The following RNF146 variants were observed in gnomAD, a reference collection of about 807,000 sequenced individuals.
RNF146 encodes the protein ring finger protein 146.
RNF146 carries 11 observed loss-of-function variants against 29.7 expected under a neutral mutation model. The observed-to-expected ratio is 0.37, with a 90% CI of 0.23 to 0.61. RNF146 has a LOEUF of 0.61. RNF146 is among the 20% of genes least tolerant of loss of function. The pLI is 0.66. For synonymous variants in RNF146, 150 were observed against 159.7 expected, an observed-to-expected ratio of 0.94 and a Z score of 0.46; for missense variants, 342 against 438.9, an observed-to-expected ratio of 0.78 and a Z score of 1.97.
chr6:127,279,129 A>C (rs1247037633), intron 1 of RNF146, among the ~76,000 whole-genome samples: 1 of 151,922 alleles, frequency 6.6e-6, no homozygotes, highest in Admixed American at 6.6e-5. Context: ...TTTTAAACTT[A>C]TATAAAGCCC....
At chr6:127,271,839 G>A (rs1324336819) in intron 1 of RNF146, among the ~76,000 whole-genome samples, 2 of 151,868 alleles carry the variant, frequency 1.3e-5, no homozygotes, top group Non-Finnish European at 2.9e-5. Context: ...TAGAAATGGG[G>A]GTCTCACCAT....
intron 1 of RNF146, among the ~76,000 whole-genome samples, chr6:127,275,260 C>T (rs1441149652): frequency 6.6e-6 from 1 of 152,018 alleles, no homozygotes; most frequent in Non-Finnish European, 1.5e-5. Context: ...AAATGATTTG[C>T]TTGCCAAAAG....
chr6:127,285,228 C>T (rs1348855121), intron 2 of RNF146: 17 of 984,800 alleles, frequency 1.7e-5, no homozygotes, highest in Non-Finnish European at 1.9e-5. Flanking sequence ...TCTTTTTGAG[C>T]CTTGTCTATT....
chr6:127,286,948 A>G lies in RNF146; in HGVS notation c.335A>G (p.Asn112Ser), dbSNP rs1348564143. ...GEYAWYYEGRNGWWQYDERTS... is the reference protein window; with the variant it reads ...GEYAWYYEGRSGWWQYDERTS... ...TATGCATGGTATTATGAAGGAAGAA[A>G]TGGGTGGTGGCAGTACGATGAGCGC... is the stretch of plus-strand genomic sequence containing the variant. Residue 112 changes from asparagine to serine, a missense_variant, in exon 3 of 3, where the codon AAT becomes AGT. By Grantham distance (46) the Asn-to-Ser change is conservative (BLOSUM62 1). This residue lies in a region of RNF146 where 50 missense variants were observed against 54.9 expected (regional missense o/e 0.91). Transcript: ENST00000368314. This position sits in a 1 kb window ranked among gnomAD's most constrained non-coding sequence, Gnocchi z 4.6. 4 of 1,613,460 alleles carry G rather than the reference A, an allele frequency of 2.5e-6. 1 individual carries two copies. The African/African-American group carries it at 4.0e-5, about 16-fold the overall frequency.
chr6:127,273,056 T>C (rs1271084189), intron 1 of RNF146, among the ~76,000 whole-genome samples: 4 of 72,938 alleles, frequency 5.5e-5, no homozygotes, highest in African/African-American at 1.8e-4. Context: ...TTTAACTTCT[T>C]GTAATGGCAT....
chr6:127,267,613 T>C (rs1776843607), intron 1 of RNF146, among the ~76,000 whole-genome samples: 1 of 152,174 alleles, frequency 6.6e-6, no homozygotes, highest in East Asian at 1.9e-4. Context: ...TTTCTCCTGC[T>C]CAGTGTCTCG....
At chr6:127,280,081 A>G (rs949094780) in intron 1 of RNF146, 150 bp from the exon 2 acceptor site, 2 of 445,138 alleles carry the variant, frequency 4.5e-6, no homozygotes, top group Non-Finnish European at 8.1e-6. Flanking sequence ...GCTAGAACTT[A>G]CAGTCATGTT....
chr6:127,272,615 C>T (rs1350613861), intron 1 of RNF146, among the ~76,000 whole-genome samples: 2 of 152,094 alleles, frequency 1.3e-5, no homozygotes, highest in African/African-American at 4.8e-5. Flanking sequence ...CATAAGATGG[C>T]TAAATCTCAG....
intron 2 of RNF146, chr6:127,285,459 T>TC (rs1217265119): frequency 2.6e-6 from 1 of 382,010 alleles, no homozygotes; most frequent in Non-Finnish European, 3.6e-6. Context: ...TCTGACATCT[T>TC]CATCTTTATT....
At chr6:127,273,435 A>G (rs1777765285) in intron 1 of RNF146, among the ~76,000 whole-genome samples, 1 of 152,154 alleles carries the variant, frequency 6.6e-6, no homozygotes, top group South Asian at 2.1e-4. Flanking sequence ...TTATAATACT[A>G]AATGATAAAA....
intron 2 of RNF146, among the ~76,000 whole-genome samples, chr6:127,284,990 A>T (rs1326893752): frequency 6.6e-6 from 1 of 151,956 alleles, no homozygotes; most frequent in Non-Finnish European, 1.5e-5. Flanking sequence ...GACACCCCTG[A>T]CTTAGAACTT....
intron 1 of RNF146, among the ~76,000 whole-genome samples, chr6:127,268,531 G>A (rs1219030718): frequency 6.6e-6 from 1 of 152,212 alleles, no homozygotes; most frequent in Non-Finnish European, 1.5e-5. Flanking sequence ...TCTAAAAATA[G>A]ATTTTGGATG....
chr6:127,267,351 C>T (rs1187721286), intron 1 of RNF146, among the ~76,000 whole-genome samples: 1 of 152,194 alleles, frequency 6.6e-6, no homozygotes, highest in Non-Finnish European at 1.5e-5. Context: ...GCTTCGCTGC[C>T]TCGGGTGGCA....
chr6:127,284,602 T>C (rs1439939396), intron 2 of RNF146, among the ~76,000 whole-genome samples: 1 of 152,038 alleles, frequency 6.6e-6, no homozygotes, highest in East Asian at 1.9e-4. Context: ...CAGCCAATTC[T>C]TTTAGGGGAG....
rs1260104320 is a variant in RNF146 at position 127,287,284 on chromosome 6, C to T, written c.671C>T (p.Ser224Leu). The T allele has an allele frequency of 6.2e-7, 1 of 1,613,458 alleles. No individual in the cohort carries two copies. The highest frequency in any genetic ancestry group is 1.1e-5 in the South Asian group (1 of 91,072). ...PLVSSVRPLT[S>L]VDGQLTSPAT... Reference sequence around the variant, plus strand: ...GTGTCTTCTGTAAGGCCCCTAACATCAGTAGATGGTCAGTTAACAAGCCCT... The same window carrying T: ...GTGTCTTCTGTAAGGCCCCTAACATTAGTAGATGGTCAGTTAACAAGCCCT... The change falls in exon 3 of 3, where the codon TCA (serine) becomes TTA (leucine). Residue 224 changes from serine (S) to leucine (L), a missense_variant. Physicochemically the swap from Ser to Leu is moderately radical, Grantham distance 145 (BLOSUM62 -2). Transcript: ENST00000368314.
At chr6:127,269,380 G>A (rs996875025) in intron 1 of RNF146, among the ~76,000 whole-genome samples, 1 of 152,160 alleles carries the variant, frequency 6.6e-6, no homozygotes, top group African/African-American at 2.4e-5. Flanking sequence ...AATGGTTGCT[G>A]GCTAAGAAAC....
intron 1 of RNF146, among the ~76,000 whole-genome samples, chr6:127,276,591 A>T (rs1297125945): frequency 6.6e-6 from 1 of 152,016 alleles, no homozygotes; most frequent in African/African-American, 2.4e-5. Context: ...AGGAAAGGAA[A>T]TGAGATCAGG....
intron 1 of RNF146, among the ~76,000 whole-genome samples, chr6:127,274,187 C>A (rs1777879843): frequency 6.6e-6 from 1 of 151,748 alleles, no homozygotes; most frequent in African/African-American, 2.4e-5. Context: ...TTTTTAGTAC[C>A]TTTGTTCTAG....
chr6:127,279,183 G>C (rs1778626535), intron 1 of RNF146, among the ~76,000 whole-genome samples: 1 of 151,812 alleles, frequency 6.6e-6, no homozygotes, highest in Admixed American at 6.6e-5. Context: ...TCATATCTAG[G>C]AATCCATTGC....
Sources: allele counts gnomAD v4.1 joint callset (sites outside exome capture counted in the v4.1 genomes callset), GRCh38; gene constraint gnomAD v4.1.1; regional missense constraint gnomAD v4.1.1; non-coding constraint Gnocchi (gnomAD v3.1); transcripts MANE v1.5; gene names NCBI Gene and HGNC (gene_info 2026-07-23, HGNC 2026-07-21).